Variants in NRXN3 observed in about 807,000 individuals in gnomAD.
The protein encoded by NRXN3 is neurexin 3.
In NRXN3, 32 loss-of-function variants were observed where a neutral mutation model predicts 137.6. The ratio of observed to expected loss-of-function variants is 0.23; its 90% CI spans 0.18 to 0.31. The LOEUF is 0.31. NRXN3 is among the 10% of genes least tolerant of loss of function. NRXN3 has a pLI of 1.00. For synonymous variants in NRXN3, 798 were observed against 784.5 expected, an observed-to-expected ratio of 1.02 and a Z score of -0.29; for missense variants, 1,574 against 2,062.5, an observed-to-expected ratio of 0.76 and a Z score of 4.59.
intron 6 of NRXN3, among the ~76,000 whole-genome samples, chr14:78,682,765 C>T (rs1401025017): frequency 6.6e-6 from 1 of 152,084 alleles, no homozygotes; most frequent in South Asian, 2.1e-4. Context: ...ACAAAGATAG[C>T]TTTCCCAAGG....
chr14:79,599,715 C>T (rs1404680894), intron 16 of NRXN3, among the ~76,000 whole-genome samples: 9 of 152,174 alleles, frequency 5.9e-5, no homozygotes, highest in Non-Finnish European at 1.3e-4. Flanking sequence ...CTGAGGTGGG[C>T]CAGGCACAGT....
At chr14:78,347,163 G>A (rs1337246346) in intron 4 of NRXN3, among the ~76,000 whole-genome samples, 1 of 152,194 alleles carries the variant, frequency 6.6e-6, no homozygotes, top group Non-Finnish European at 1.5e-5. Flanking sequence ...TGCGGATGCT[G>A]GGAGAATCCC....
chr14:79,462,861 A>AATGTATATGTATATGTACATACACAT (rs1555462507), intron 15 of NRXN3, among the ~76,000 whole-genome samples: 42,529 of 140,544 alleles, frequency 0.3, 7,607 homozygotes, highest in African/African-American at 0.37. Flanking sequence ...ATACACAATG[A>AATGTATATGTATATGTACATACACAT]ATGTATATGT....
At chr14:79,399,183 C>T (rs2095118255) in intron 15 of NRXN3, among the ~76,000 whole-genome samples, 4 of 152,088 alleles carry the variant, frequency 2.6e-5, no homozygotes, top group African/African-American at 9.7e-5. Flanking sequence ...CATTTAGATG[C>T]CAATATGCCA....
chr14:79,418,621 G>A (rs1055693855), intron 15 of NRXN3, among the ~76,000 whole-genome samples: 2 of 152,148 alleles, frequency 1.3e-5, no homozygotes, highest in African/African-American at 4.8e-5. Context: ...CTTGAGCACA[G>A]CAGTCAATAA....
rs906956339 is a variant in NRXN3, at chr14:78,855,131, T to A, written c.2275+44787T>A. Among the ~76,000 whole-genome samples, 9 of 150,136 alleles carry A rather than the reference T, an allele frequency of 6.0e-5. No individual in the cohort carries two copies. The South Asian group carries it at 1.9e-3, about 32-fold the overall frequency. On this transcript the variant is annotated intron_variant, in intron 10 of 20. Transcript: ENST00000335750. ...GTGATCCGAGATCACGCTGCTGCAC[T>A]CCAGCTTGGGGACAGAGCGAGACTG...
At chr14:79,781,652 A>G (rs536672183) in intron 19 of NRXN3, among the ~76,000 whole-genome samples, 1 of 152,322 alleles carries the variant, frequency 6.6e-6, no homozygotes, top group East Asian at 1.9e-4. Flanking sequence ...AAGTTCAGTA[A>G]GGTCTGACAC....
intron 11 of NRXN3, among the ~76,000 whole-genome samples, 154 bp downstream of exon 11, chr14:78,957,515 C>T (rs370718577): frequency 6.6e-6 from 1 of 152,190 alleles, no homozygotes; most frequent in Non-Finnish European, 1.5e-5. Flanking sequence ...CTAAGAAGGT[C>T]TTCCTCTGTA....
chr14:79,781,187 T>A (rs1475516599), intron 19 of NRXN3, among the ~76,000 whole-genome samples: 1 of 152,198 alleles, frequency 6.6e-6, no homozygotes, highest in Non-Finnish European at 1.5e-5. Context: ...TAATATTCAG[T>A]CTTTCCGCTT....
chr14:78,755,127 C>T (rs923207224), intron 8 of NRXN3, among the ~76,000 whole-genome samples: 38 of 152,154 alleles, frequency 2.5e-4, no homozygotes, highest in African/African-American at 8.4e-4. Flanking sequence ...TAAATTCTCC[C>T]ACCTCAGACT....
chr14:79,803,049 A>T (rs1052672219), intron 19 of NRXN3, among the ~76,000 whole-genome samples: 8 of 152,008 alleles, frequency 5.3e-5, no homozygotes, highest in African/African-American at 1.2e-4. Context: ...TAATAAAATT[A>T]AAAAAATAAA....
chr14:79,381,013 G>A (rs1245443950), intron 15 of NRXN3, among the ~76,000 whole-genome samples: 1 of 152,070 alleles, frequency 6.6e-6, no homozygotes, highest in Non-Finnish European at 1.5e-5. Flanking sequence ...AGAGAGACAG[G>A]CAGGTAAAGG....
chr14:79,232,698 A>G (rs1017021716), intron 15 of NRXN3, among the ~76,000 whole-genome samples: 4 of 152,140 alleles, frequency 2.6e-5, no homozygotes, highest in African/African-American at 9.7e-5. Flanking sequence ...TGTGTGAAGT[A>G]TAGATGAAGG....
intron 15 of NRXN3, among the ~76,000 whole-genome samples, chr14:79,393,764 C>G (rs2094931129): frequency 6.6e-6 from 1 of 152,004 alleles, no homozygotes; most frequent in Non-Finnish European, 1.5e-5. Flanking sequence ...GCAGTGAGCC[C>G]AGATTGCTGC....
intron 8 of NRXN3, among the ~76,000 whole-genome samples, chr14:78,786,250 C>A (rs559175787): frequency 4.9e-4 from 75 of 152,136 alleles, no homozygotes; most frequent in Non-Finnish European, 9.6e-4. Flanking sequence ...TAAATCTACC[C>A]TAATGATTTG....
chr14:78,268,225 A>G (rs2072117316), intron 2 of NRXN3, among the ~76,000 whole-genome samples: 1 of 152,164 alleles, frequency 6.6e-6, no homozygotes, highest in African/African-American at 2.4e-5. Context: ...TTGGGATATT[A>G]AAAAACAAAC....
chr14:78,502,730 C>T (rs948369172), intron 4 of NRXN3, among the ~76,000 whole-genome samples: 1 of 152,140 alleles, frequency 6.6e-6, no homozygotes, highest in African/African-American at 2.4e-5. Flanking sequence ...GCAAGAAATA[C>T]CATACAAGGG....
intron 4 of NRXN3, among the ~76,000 whole-genome samples, chr14:78,594,472 A>G (rs1402879246): frequency 1.3e-5 from 2 of 152,104 alleles, no homozygotes; most frequent in East Asian, 1.9e-4. Context: ...GAGGGTCTGG[A>G]CCTCAGAACC....
intron 19 of NRXN3, among the ~76,000 whole-genome samples, chr14:79,757,810 A>C (rs2099024822): frequency 1.3e-5 from 2 of 152,194 alleles, no homozygotes; most frequent in South Asian, 2.1e-4. Flanking sequence ...TCAACTTTTT[A>C]GATACTATTA....
Sources: gnomAD v4.1 joint callset for allele counts (sites outside exome capture counted in the v4.1 genomes callset) on GRCh38, gnomAD v4.1.1 for gene constraint, MANE v1.5 for transcripts, NCBI Gene and HGNC (gene_info 2026-07-23, HGNC 2026-07-21) for gene names.